The following MIB1 variants were observed in gnomAD, a reference collection of about 807,000 sequenced individuals.
The protein encoded by MIB1 is MIB E3 ubiquitin protein ligase 1, also known as E3 ubiquitin-protein ligase MIB1.
A neutral mutation model predicts 124.5 loss-of-function variants in MIB1; 278 were observed. That is an observed-to-expected ratio of 2.23 (90% CI 2.02 to 2.47). The LOEUF (loss-of-function observed/expected upper bound fraction) is 2.47. MIB1 is among the 30% of genes most tolerant of loss of function. The probability of loss-of-function intolerance (pLI) is 0.00; values close to 1 mark genes in which losing one functional copy is unlikely to be tolerated. For synonymous variants in MIB1, 446 were observed against 429.4 expected (o/e 1.04, Z -0.48); for missense variants, 957 against 1,254.4 (o/e 0.76, Z 3.58).
At chr18:21,758,000 T>C (rs1293203650) in intron 1 of MIB1, among the ~76,000 whole-genome samples, 2 of 152,184 alleles carry the variant, frequency 1.3e-5, no homozygotes, top group Non-Finnish European at 2.9e-5. Context: ...TGTTTTGTGA[T>C]CAGACCCAGT....
At chr18:21,844,734 G>A (rs573539383) in intron 15 of MIB1, among the ~76,000 whole-genome samples, 5 of 152,052 alleles carry the variant, frequency 3.3e-5, no homozygotes, top group African/African-American at 1.2e-4. Context: ...CAGCCATTCA[G>A]TTCTTTTTTA....
intron 6 of MIB1, 128 bp from the exon 7 acceptor site, chr18:21,791,246 A>G: frequency 1.5e-6 from 1 of 664,302 alleles, no homozygotes. Flanking sequence ...TGTATATATA[A>G]ATAAACACAA....
At chr18:21,726,972 C>A (rs1340856551) in intron 1 of MIB1, among the ~76,000 whole-genome samples, 1 of 152,134 alleles carries the variant, frequency 6.6e-6, no homozygotes, top group African/African-American at 2.4e-5. Context: ...CCTGGTTCTG[C>A]TCTCAAGGAT....
chr18:21,710,889 C>T (rs188227769), intron 1 of MIB1, among the ~76,000 whole-genome samples: 2 of 146,282 alleles, frequency 1.4e-5, no homozygotes, highest in East Asian at 2.0e-4. Flanking sequence ...TGCAGTGGCA[C>T]GATCTTGGCT....
intron 10 of MIB1, among the ~76,000 whole-genome samples, chr18:21,809,474 C>T (rs894515839): frequency 4.6e-5 from 7 of 152,002 alleles, no homozygotes; most frequent in African/African-American, 1.7e-4. Flanking sequence ...GACCAATATA[C>T]CATATCAACA....
chr18:21,745,710 A>ACACACACAC (rs1568183975), intron 1 of MIB1, among the ~76,000 whole-genome samples: 4 of 146,030 alleles, frequency 2.7e-5, no homozygotes, highest in African/African-American at 5.2e-5. Context: ...ACACACACAC[A>ACACACACAC]AAATTTTATT....
chr18:21,823,518 C>G (rs111422976), intron 12 of MIB1, among the ~76,000 whole-genome samples: 2 of 152,094 alleles, frequency 1.3e-5, no homozygotes. Flanking sequence ...TTTGAAGTCT[C>G]TATTTCAAAG....
chr18:21,739,270 A>T (rs2040814952), upstream of MIB1, among the ~76,000 whole-genome samples: 1 of 152,170 alleles, frequency 6.6e-6, no homozygotes, highest in Admixed American at 6.5e-5. Context: ...ACCAATAACA[A>T]GTTCTGAAAT....
intron 7 of MIB1, 60 bp from the exon 8 acceptor site, chr18:21,798,024 T>G: frequency 1.3e-6 from 2 of 1,511,554 alleles, no homozygotes; most frequent in South Asian, 1.3e-5. Context: ...TAAAAACTAG[T>G]GATTGACTTT....
chr18:21,798,763 CAT>C (rs2041615442), intron 8 of MIB1, among the ~76,000 whole-genome samples: 3 of 152,082 alleles, frequency 2.0e-5, no homozygotes, highest in Admixed American at 6.6e-5. Context: ...GACTCTTTCA[CAT>C]AGTCTTTCTT....
In MIB1 at chr18:21,865,920, T is replaced by G. The variant is rs867077634; in HGVS notation, c.*1254T>G. On this transcript the variant is annotated 3_prime_UTR_variant, in exon 21 of 21. Transcript: ENST00000261537. ...CTGTAGACTTTAAAAACAAACAAAA[T>G]TTTTGGAGCATTTAATCATTTTTTT... 1.2e-4 allele frequency: 1 copy of G among 8,298 alleles called. No individual in the cohort carries two copies. The highest frequency in any genetic ancestry group is 3.1e-4 in the African/African-American group (1 of 3,212). The allele number at this position is 8,298 out of a possible 1,614,324, so 0.5% of individuals were successfully genotyped here.
chr18:21,739,445 A>G (rs147109598), upstream of MIB1, among the ~76,000 whole-genome samples: 1,463 of 152,326 alleles, frequency 9.6e-3, 21 homozygotes, highest in African/African-American at 0.033. Flanking sequence ...AACTCATTTT[A>G]CGAGGCCAGC....
At chr18:21,775,557 T>C (rs149403249) in intron 4 of MIB1, among the ~76,000 whole-genome samples, 179 of 152,370 alleles carry the variant, frequency 1.2e-3, no homozygotes, top group African/African-American at 4.1e-3. Flanking sequence ...ATGCCACTTA[T>C]ATATTAAAAG....
At chr18:21,813,234 A>C (rs2959528) in intron 10 of MIB1, among the ~76,000 whole-genome samples, 3,527 of 152,152 alleles carry the variant, frequency 0.023, 153 homozygotes, top group African/African-American at 0.08. Context: ...CAGAAAAAAA[A>C]AAAAAGACTG....
At position 21,779,570 on chromosome 18, in the gene MIB1, C is replaced by T. The variant is rs773840256; in HGVS notation, c.793C>T (p.Gln265Ter). 1.9e-6 allele frequency: 3 copies of T among 1,613,962 alleles called. No individual in the cohort carries two copies. Among genetic ancestry groups the T allele is most frequent in the Non-Finnish European group, 1.7e-6 (2 of 1,179,928 alleles). ...DLDLEIVQSL[Q>*]HGHGGWTDGM... ...CGACCTCGAAATTGTACAGTCTTTG[C>T]AGCATGGTCATGGAGGATGGACTGA... Residue 265 changes from glutamine (Q) to a stop codon, truncating the protein, a stop_gained, in exon 6 of 21, where the codon CAG becomes TAG. Coordinates refer to ENST00000261537, the MANE Select transcript of MIB1 (RefSeq NM_020774.4). LOFTEE classifies it high-confidence loss of function.
intron 1 of MIB1, chr18:21,724,224 C>T (rs1352162196): frequency 6.6e-6 from 1 of 152,128 alleles, no homozygotes; most frequent in Non-Finnish European, 1.5e-5. Context: ...ACTTGACTAA[C>T]CTTAAAAAAA....
intron 1 of MIB1, among the ~76,000 whole-genome samples, chr18:21,727,296 G>C (rs1428854240): frequency 6.6e-6 from 1 of 152,076 alleles, no homozygotes; most frequent in Non-Finnish European, 1.5e-5. Flanking sequence ...ACCACACCTG[G>C]CTAATTTTTG....
chr18:21,729,380 A>C (rs2040757513), intron 1 of MIB1, among the ~76,000 whole-genome samples: 1 of 152,218 alleles, frequency 6.6e-6, no homozygotes, highest in Non-Finnish European at 1.5e-5. Flanking sequence ...AGATCAAGAC[A>C]CCAGCCGACT....
chr18:21,728,791 T>G (rs1030872679), intron 1 of MIB1, among the ~76,000 whole-genome samples: 1 of 152,244 alleles, frequency 6.6e-6, no homozygotes, highest in Non-Finnish European at 1.5e-5. Flanking sequence ...ACATTTATCA[T>G]TTCTTTGTGT....
Sources: gnomAD v4.1 joint callset for allele counts (sites outside exome capture counted in the v4.1 genomes callset) on GRCh38, gnomAD v4.1.1 for gene constraint, MANE v1.5 for transcripts, NCBI Gene and HGNC (gene_info 2026-07-23, HGNC 2026-07-21) for gene names.